Variants in PIAS1 observed in about 807,000 individuals in gnomAD.
PIAS1 encodes E3 SUMO-protein ligase PIAS1.
A neutral mutation model predicts 71.3 loss-of-function variants in PIAS1; 6 were observed. The observed-to-expected ratio is 0.08, with a 90% CI of 0.05 to 0.17. PIAS1 has a LOEUF of 0.17. Ranked by LOEUF, PIAS1 falls within the 10% of genes least tolerant of loss-of-function variation. The pLI is 1.00. For missense variants in PIAS1, 555 were observed against 793.6 expected (o/e 0.70, Z 3.61); for synonymous variants, 303 against 292.9 (o/e 1.03, Z -0.35).
At position 68,188,935 on chromosome 15, in the gene PIAS1, T is replaced by C. The variant is rs1482437387; in HGVS notation, c.*1100T>C. ...CACGGTCAGTTATCCTAAAAATAAA[T>C]TGTTTGGAAAGTACAATGCACCACA... On this transcript the variant is annotated 3_prime_UTR_variant, in exon 14 of 14. Coordinates refer to ENST00000249636, the MANE Select transcript of PIAS1 (RefSeq NM_016166.3). 3 of 152,184 alleles carry C rather than the reference T, an allele frequency of 2.0e-5. No individual in the cohort carries two copies. The allele number at this position is 152,184 out of a possible 1,614,324, so 9.4% of individuals were successfully genotyped here.
intron 10 of PIAS1, among the ~76,000 whole-genome samples, chr15:68,175,996 A>G (rs1015693316): frequency 1.3e-5 from 2 of 152,210 alleles, no homozygotes; most frequent in African/African-American, 2.4e-5. Context: ...ATGTAATATA[A>G]TTAGTCATTT....
chr15:68,083,207 A>G (rs1006754806), intron 1 of PIAS1, among the ~76,000 whole-genome samples: 4 of 152,214 alleles, frequency 2.6e-5, no homozygotes, highest in South Asian at 2.1e-4. Flanking sequence ...TTTCATTTCA[A>G]CAACTCAGAT....
chr15:68,127,714 ATC>A (rs1255305886), intron 2 of PIAS1, among the ~76,000 whole-genome samples: 2 of 152,136 alleles, frequency 1.3e-5, no homozygotes, highest in Non-Finnish European at 2.9e-5. Context: ...TAAGCTAGCA[ATC>A]TCTACCAAGA....
chr15:68,147,980 A>G (rs1342581051), intron 6 of PIAS1, among the ~76,000 whole-genome samples: 5 of 152,134 alleles, frequency 3.3e-5, no homozygotes, highest in Non-Finnish European at 5.9e-5. Context: ...AATGCTTACC[A>G]TGTGTCATCT....
intron 6 of PIAS1, 92 bp downstream of exon 6, chr15:68,146,792 T>A: frequency 1.1e-6 from 1 of 923,212 alleles, no homozygotes; most frequent in Non-Finnish European, 1.7e-6. Flanking sequence ...TTATGTAAAA[T>A]GAGCTGCAAA....
intron 2 of PIAS1, among the ~76,000 whole-genome samples, chr15:68,095,744 TG>T (rs1468819006): frequency 6.6e-6 from 1 of 152,092 alleles, no homozygotes; most frequent in Non-Finnish European, 1.5e-5. Context: ...TTGCCCAGGC[TG>T]GTCCCAAAAT....
chr15:68,111,122 TTTAG>T (rs1426226785), intron 2 of PIAS1, among the ~76,000 whole-genome samples: 1 of 152,182 alleles, frequency 6.6e-6, no homozygotes, highest in Non-Finnish European at 1.5e-5. Flanking sequence ...TTGGGTTGAT[TTTAG>T]TTAATCTGTC....
chr15:68,066,907 A>G (rs1240190242), intron 1 of PIAS1, among the ~76,000 whole-genome samples: 1 of 152,172 alleles, frequency 6.6e-6, no homozygotes, highest in Non-Finnish European at 1.5e-5. Flanking sequence ...CCCAGGAATG[A>G]GATTAATGGT....
At chr15:68,179,564 C>CTTGTTTTTTTTTTTTTTT (rs2093040106) in intron 11 of PIAS1, among the ~76,000 whole-genome samples, 1 of 40,106 alleles carries the variant, frequency 2.5e-5, no homozygotes, top group Non-Finnish European at 4.4e-5. Flanking sequence ...GTGAAATGTT[C>CTTGTTTTTTTTTTTTTTT]TTTTTTTTTT....
chr15:68,087,608 G>A (rs925100976), intron 2 of PIAS1, among the ~76,000 whole-genome samples: 1 of 152,004 alleles, frequency 6.6e-6, no homozygotes, highest in African/African-American at 2.4e-5. Flanking sequence ...TAACAAAAAA[G>A]GAAAGAAACA....
At chr15:68,152,911 T>A (rs1337118731) in intron 6 of PIAS1, among the ~76,000 whole-genome samples, 1 of 151,044 alleles carries the variant, frequency 6.6e-6, no homozygotes, top group African/African-American at 2.4e-5. Flanking sequence ...TTTTTTTTTT[T>A]TTTTTGGTCC....
chr15:68,135,626 C>G (rs1381453037), intron 2 of PIAS1, among the ~76,000 whole-genome samples: 1 of 69,130 alleles, frequency 1.4e-5, no homozygotes, highest in Non-Finnish European at 4.3e-5. Context: ...GGGGGCTGAC[C>G]CCCCCACCTC....
intron 7 of PIAS1, among the ~76,000 whole-genome samples, chr15:68,159,794 GGA>G (rs2092912590): frequency 6.6e-6 from 1 of 152,068 alleles, no homozygotes; most frequent in Non-Finnish European, 1.5e-5. Context: ...TTTTGCATAT[GGA>G]TACCTCAGTT....
intron 8 of PIAS1, among the ~76,000 whole-genome samples, chr15:68,170,579 CTG>C (rs1385549735): frequency 6.6e-6 from 1 of 152,182 alleles, no homozygotes; most frequent in East Asian, 1.9e-4. Context: ...TTTATAAACA[CTG>C]TACACTTTGG....
intron 6 of PIAS1, among the ~76,000 whole-genome samples, chr15:68,152,208 C>G (rs768097448): frequency 7.9e-5 from 12 of 152,116 alleles, no homozygotes; most frequent in Non-Finnish European, 1.8e-4. Context: ...CTCAGCCTCC[C>G]AAAGTGCTGG....
chr15:68,144,640 CCTGTAATGGAAGGTT>C (rs2092795608), intron 4 of PIAS1, among the ~76,000 whole-genome samples: 2 of 152,116 alleles, frequency 1.3e-5, no homozygotes, highest in South Asian at 4.2e-4. Context: ...AAAGAATTAG[CCTGTAATGGAAGGTT>C]CTGCTGGGGT....
chr15:68,134,369 C>A lies in PIAS1; in HGVS notation c.470-7577C>A, dbSNP rs1395120594. On this transcript the variant is annotated intron_variant, in intron 2 of 13. Coordinates refer to ENST00000249636, the MANE Select transcript of PIAS1 (RefSeq NM_016166.3). ...GCGGCTGGCCGGGCGGGGGGCTGAC[C>A]CCCCCACCTCCCTCCCAGACAGGGC... Among the ~76,000 whole-genome samples, 14 of 42,794 alleles carry A rather than the reference C, an allele frequency of 3.3e-4. 5 individuals carry two copies. The highest frequency in any genetic ancestry group is 2.4e-3 in the Admixed American group (13 of 5,428). 28.1% of individuals were successfully genotyped at this position (42,794 alleles called of 152,430 possible).
intron 7 of PIAS1, among the ~76,000 whole-genome samples, chr15:68,155,895 C>T (rs991108705): frequency 1.3e-5 from 2 of 152,340 alleles, no homozygotes; most frequent in Non-Finnish European, 1.5e-5. Flanking sequence ...TCTCTCAGCA[C>T]TCTGCCAATG....
chr15:68,170,904 G>A (rs905336783), intron 8 of PIAS1, among the ~76,000 whole-genome samples: 1 of 152,122 alleles, frequency 6.6e-6, no homozygotes, highest in Non-Finnish European at 1.5e-5. Context: ...GCCTCCCAAA[G>A]GGCTGGGATT....
Sources: gnomAD v4.1 joint callset for allele counts (sites outside exome capture counted in the v4.1 genomes callset) on GRCh38, gnomAD v4.1.1 for gene constraint, MANE v1.5 for transcripts, NCBI Gene and HGNC (gene_info 2026-07-23, HGNC 2026-07-21) for gene names.